SWT1: variants seen among roughly 807,000 people sequenced by gnomAD.
SWT1 encodes transcriptional protein SWT1.
In SWT1, 33 loss-of-function variants were observed where a neutral mutation model predicts 107.3. That is an observed-to-expected ratio of 0.31 (90% CI 0.23 to 0.41). The LOEUF is 0.41. SWT1 is among the 10% of genes least tolerant of loss of function. SWT1 has a pLI of 1.00. For missense variants in SWT1, 898 were observed against 1,028.9 expected, an observed-to-expected ratio of 0.87 and a Z score of 1.74; for synonymous variants, 345 against 348.3, an observed-to-expected ratio of 0.99 and a Z score of 0.11.
intron 18 of SWT1, among the ~76,000 whole-genome samples, chr1:185,286,029 A>T (rs1179745862): frequency 6.6e-6 from 1 of 152,176 alleles, no homozygotes; most frequent in Admixed American, 6.5e-5. Context: ...GTTATTTGGG[A>T]TGCCTTGCAA....
At chr1:185,267,353 G>A (rs185565083) in intron 16 of SWT1, among the ~76,000 whole-genome samples, 14 of 152,328 alleles carry the variant, frequency 9.2e-5, no homozygotes, top group Non-Finnish European at 1.5e-4. Flanking sequence ...TCGCAAAACC[G>A]AATTTAGGGT....
chr1:185,171,951 T>A (rs1249415064), intron 4 of SWT1, among the ~76,000 whole-genome samples: 1 of 152,228 alleles, frequency 6.6e-6, no homozygotes, highest in Admixed American at 6.5e-5. Context: ...GCATATATGA[T>A]GAAAACTCAG....
intron 16 of SWT1, among the ~76,000 whole-genome samples, chr1:185,240,791 T>C (rs1477717768): frequency 6.6e-6 from 1 of 152,120 alleles, no homozygotes; most frequent in South Asian, 2.1e-4. Flanking sequence ...TCATGAAGTT[T>C]GGGGTTTTTT....
At chr1:185,225,350 C>T (rs1054088557) in intron 15 of SWT1, among the ~76,000 whole-genome samples, 4 of 151,968 alleles carry the variant, frequency 2.6e-5, no homozygotes, top group Admixed American at 6.6e-5. Context: ...ACCTGTTTAT[C>T]GAGGATATTG....
chr1:185,267,096 C>G (rs1403512647), intron 16 of SWT1, among the ~76,000 whole-genome samples: 2 of 152,114 alleles, frequency 1.3e-5, no homozygotes, highest in African/African-American at 4.8e-5. Context: ...ATTTGGATAC[C>G]TACCACCACT....
Position 185,159,719 on chromosome 1 carries a change from T to A in SWT1, c.-9-1114T>A, listed in dbSNP as rs1013090772. Among the ~76,000 whole-genome samples, 15 of 152,156 alleles carry A rather than the reference T, an allele frequency of 9.9e-5. No individual in the cohort carries two copies. The South Asian group carries it at 1.0e-3, about 11-fold the overall frequency. On this transcript the variant is annotated intron_variant, in intron 1 of 18. Coordinates refer to ENST00000367500, the MANE Select transcript of SWT1 (RefSeq NM_017673.7). ...TACATATATATATGTATTTTAATAT[T>A]TTTTTATATTTTTTTAAATTTTTGA...
chr1:185,246,220 G>C (rs1661595481), intron 16 of SWT1, among the ~76,000 whole-genome samples: 1 of 152,146 alleles, frequency 6.6e-6, no homozygotes, highest in Admixed American at 6.5e-5. Flanking sequence ...TAAAATGCCA[G>C]TATAGTTGGA....
chr1:185,184,064 C>T (rs1206050490), intron 7 of SWT1, among the ~76,000 whole-genome samples, 179 bp from the exon 8 acceptor site: 2 of 152,112 alleles, frequency 1.3e-5, no homozygotes, highest in South Asian at 2.1e-4. Flanking sequence ...AACAAGGATA[C>T]GGGCCGGATA....
At chr1:185,282,521 T>TA (rs1396295115) in intron 18 of SWT1, among the ~76,000 whole-genome samples, 2 of 152,014 alleles carry the variant, frequency 1.3e-5, no homozygotes, top group East Asian at 1.9e-4. Context: ...AAGTATTTTA[T>TA]AAAAAATGAG....
intron 16 of SWT1, among the ~76,000 whole-genome samples, chr1:185,244,265 A>T (rs1322876100): frequency 6.6e-6 from 1 of 152,126 alleles, no homozygotes; most frequent in Non-Finnish European, 1.5e-5. Context: ...TGATGGGGAT[A>T]CATGTTCTTG....
intron 2 of SWT1, among the ~76,000 whole-genome samples, chr1:185,166,327 G>A (rs1311507349): frequency 6.6e-6 from 1 of 152,188 alleles, no homozygotes; most frequent in African/African-American, 2.4e-5. Flanking sequence ...TGAGCTGTCA[G>A]CTGGCTTCCT....
At chr1:185,243,201 T>C (rs995923151) in intron 16 of SWT1, among the ~76,000 whole-genome samples, 2 of 152,116 alleles carry the variant, frequency 1.3e-5, no homozygotes, top group Non-Finnish European at 2.9e-5. Flanking sequence ...TTCCACCTCC[T>C]GGGCTCAGGT....
At chr1:185,212,158 T>G (rs1013624346) in intron 13 of SWT1, among the ~76,000 whole-genome samples, 10 of 152,090 alleles carry the variant, frequency 6.6e-5, no homozygotes, top group Non-Finnish European at 1.3e-4. Flanking sequence ...TATACATATG[T>G]AACAAACCTG....
rs1328281475 is a variant in SWT1 at position 185,184,763 on chromosome 1, A to G, written c.1261A>G (p.Ile421Val). 2.5e-6 allele frequency: 4 copies of G among 1,609,216 alleles called. No individual in the cohort carries two copies. Among genetic ancestry groups the G allele is most frequent in the Middle Eastern group, 3.3e-4 (2 of 6,044 alleles). The change falls in exon 9 of 19, where the codon ATA (isoleucine) becomes GTA (valine). Residue 421 changes from isoleucine (I) to valine (V), a missense_variant. Physicochemically the swap from Ile to Val is conservative, Grantham distance 29. Transcript: ENST00000367500. ...EVPGFDKLVL[I>V]IPWVVMQELD... ...TTTAGGTTTTGACAAACTTGTGTTA[A>G]TAATTCCCTGGGTCGTTATGCAAGA...
intron 3 of SWT1, among the ~76,000 whole-genome samples, chr1:185,168,070 T>C (rs544475977): frequency 1.3e-5 from 2 of 152,274 alleles, no homozygotes; most frequent in East Asian, 1.9e-4. Context: ...TCAGAGTACG[T>C]AGAGAGATAG....
chr1:185,246,552 G>C (rs1305714118), intron 16 of SWT1, among the ~76,000 whole-genome samples: 1 of 149,098 alleles, frequency 6.7e-6, no homozygotes, highest in East Asian at 2.0e-4. Flanking sequence ...GTTAGGATTA[G>C]AGGCATGAGC....
chr1:185,171,354 CTT>C (rs1655042314), intron 4 of SWT1: 1 of 208,484 alleles, frequency 4.8e-6, no homozygotes, highest in Admixed American at 5.9e-5. Flanking sequence ...TCTTCCTCCT[CTT>C]GTTTGTTCTG....
At chr1:185,260,439 A>G (rs1232684243) in intron 16 of SWT1, among the ~76,000 whole-genome samples, 1 of 152,164 alleles carries the variant, frequency 6.6e-6, no homozygotes, top group Non-Finnish European at 1.5e-5. Context: ...TAAGACTAGC[A>G]TCACAAATGT....
intron 1 of SWT1, among the ~76,000 whole-genome samples, chr1:185,158,479 T>C (rs1363770162): frequency 3.9e-5 from 6 of 151,990 alleles, no homozygotes; most frequent in African/African-American, 1.5e-4. Flanking sequence ...ACTATATCTG[T>C]GCATCATCCA....
Sources: gnomAD v4.1 joint callset for allele counts (sites outside exome capture counted in the v4.1 genomes callset) on GRCh38, gnomAD v4.1.1 for gene constraint, MANE v1.5 for transcripts, NCBI Gene and HGNC (gene_info 2026-07-23, HGNC 2026-07-21) for gene names.